KCND3: variants seen among roughly 807,000 people sequenced by gnomAD.
The protein encoded by KCND3 is A-type voltage-gated potassium channel KCND3.
In KCND3, 9 loss-of-function variants were observed where a neutral mutation model predicts 51.1. That is an observed-to-expected ratio of 0.18 (90% CI 0.11 to 0.31). The LOEUF is 0.31. Among genes scored for constraint, KCND3 ranks in the 10% least tolerant of loss-of-function variants. KCND3 has a pLI of 1.00. For synonymous variants in KCND3, 349 were observed against 368.0 expected (o/e 0.95, Z 0.59); for missense variants, 526 against 903.8 (o/e 0.58, Z 5.36).
intron 2 of KCND3, among the ~76,000 whole-genome samples, chr1:111,824,826 G>A (rs147513251): frequency 1.4e-4 from 22 of 152,120 alleles, no homozygotes; most frequent in African/African-American, 5.3e-4. Flanking sequence ...TCCACACATA[G>A]TTACATTTCT....
chr1:111,913,508 G>T (rs1364221820), intron 2 of KCND3, among the ~76,000 whole-genome samples: 1 of 152,152 alleles, frequency 6.6e-6, no homozygotes, highest in Non-Finnish European at 1.5e-5. Context: ...TAATCAAACT[G>T]ATTCCAATTA....
chr1:111,924,072 A>T (rs1280242093), intron 2 of KCND3, among the ~76,000 whole-genome samples: 1 of 152,104 alleles, frequency 6.6e-6, no homozygotes, highest in Non-Finnish European at 1.5e-5. Context: ...CAGATGGCTC[A>T]TGGCAGCACA....
At chr1:111,926,877 C>T (rs1234527752) in intron 2 of KCND3, among the ~76,000 whole-genome samples, 1 of 152,272 alleles carries the variant, frequency 6.6e-6, no homozygotes, top group Non-Finnish European at 1.5e-5. Flanking sequence ...TTAGGAAGTG[C>T]TCCCTTTGGA....
chr1:111,892,363 AG>A (rs1421667306), intron 2 of KCND3, among the ~76,000 whole-genome samples: 4 of 152,226 alleles, frequency 2.6e-5, no homozygotes, highest in African/African-American at 9.6e-5. Context: ...TGGACAATGC[AG>A]TGAGCCAGCT....
At chr1:111,815,374 C>G (rs1666040591) in intron 2 of KCND3, among the ~76,000 whole-genome samples, 1 of 151,918 alleles carries the variant, frequency 6.6e-6, no homozygotes. Context: ...AAACTCTGGT[C>G]AGGCTTCTCT....
intron 1 of KCND3, among the ~76,000 whole-genome samples, chr1:111,983,823 A>G (rs1675110941): frequency 2.0e-5 from 3 of 152,194 alleles, no homozygotes; most frequent in Admixed American, 2.0e-4. Flanking sequence ...ACCACACTGC[A>G]TAAGCACTTC....
chr1:111,952,937 A>G (rs967352382), intron 2 of KCND3, among the ~76,000 whole-genome samples: 1 of 152,188 alleles, frequency 6.6e-6, no homozygotes, highest in Non-Finnish European at 1.5e-5. Flanking sequence ...GGAAAATAAT[A>G]TAAACAACAT....
Position 111,773,880 on chromosome 1 carries a change from A to G in KCND3, c.*2197T>C, listed in dbSNP as rs767052417. On this transcript the variant is annotated 3_prime_UTR_variant, in exon 8 of 8. Coordinates refer to ENST00000302127, the MANE Select transcript of KCND3 (RefSeq NM_001378969.1). Reference sequence around the variant, plus strand: ...AAGTGAAGTTTAGCTTGGTCTTCTAATGAGATGTGTATATGAAGTGAATTG... The same window carrying G: ...AAGTGAAGTTTAGCTTGGTCTTCTAGTGAGATGTGTATATGAAGTGAATTG... The G allele has an allele frequency of 3.3e-5, 5 of 152,108 alleles. No homozygotes were observed. The highest frequency in any genetic ancestry group is 2.9e-5 in the Non-Finnish European group (2 of 68,026). 9.4% of individuals were successfully genotyped at this position (152,108 alleles called of 1,614,324 possible). A position where few individuals can be genotyped will look rare whatever the true frequency, so the allele number is the denominator to read the frequency against.
chr1:111,882,317 C>T (rs891770481), intron 2 of KCND3, among the ~76,000 whole-genome samples: 2 of 152,202 alleles, frequency 1.3e-5, no homozygotes, highest in South Asian at 2.1e-4. Flanking sequence ...CAAATATGCT[C>T]GAGTGGGGCA....
chr1:111,787,855 T>C (rs1454488776), intron 2 of KCND3, among the ~76,000 whole-genome samples: 1 of 152,230 alleles, frequency 6.6e-6, no homozygotes, highest in Non-Finnish European at 1.5e-5. Context: ...ATCCCCATTG[T>C]ACAGATGCAG....
intron 7 of KCND3, 148 bp from the exon 8 acceptor site, chr1:111,776,426 C>T: frequency 1.2e-6 from 1 of 804,038 alleles, no homozygotes; most frequent in Non-Finnish European, 2.1e-6. Context: ...TTGTAATTAT[C>T]CATTCTAATT....
intron 2 of KCND3, among the ~76,000 whole-genome samples, chr1:111,854,372 A>G (rs1267008880): frequency 6.6e-6 from 1 of 152,192 alleles, no homozygotes; most frequent in Non-Finnish European, 1.5e-5. Flanking sequence ...ATGTATTTTC[A>G]AGGCACTCTG....
At chr1:111,962,774 T>C (rs1465638969) in intron 2 of KCND3, among the ~76,000 whole-genome samples, 1 of 152,208 alleles carries the variant, frequency 6.6e-6, no homozygotes, top group East Asian at 1.9e-4. Context: ...CACTGCGCAA[T>C]GTGATGTTGC....
At chr1:111,776,788 A>T (rs1387004534) in intron 7 of KCND3, among the ~76,000 whole-genome samples, 1 of 151,634 alleles carries the variant, frequency 6.6e-6, no homozygotes, top group African/African-American at 2.4e-5. Flanking sequence ...AATTATTTTT[A>T]AAGTTTTTTT....
chr1:111,773,227 A>G lies in KCND3; in HGVS notation c.*2850T>C, dbSNP rs981619012. ...TAGGACCAATAAAAAAACATGGGAA[A>G]TTGCTTGGGACATGATATTTAACAT... On this transcript the variant is annotated 3_prime_UTR_variant, in exon 8 of 8. Coordinates refer to ENST00000302127, the MANE Select transcript of KCND3 (RefSeq NM_001378969.1). 6 of 152,078 alleles carry G rather than the reference A, an allele frequency of 3.9e-5. No homozygotes were observed. Among genetic ancestry groups the G allele is most frequent in the Non-Finnish European group, 8.8e-5 (6 of 68,010 alleles). 9.4% of individuals were successfully genotyped at this position (152,078 alleles called of 1,614,324 possible).
intron 2 of KCND3, among the ~76,000 whole-genome samples, chr1:111,954,096 G>T (rs1191214759): frequency 6.6e-6 from 1 of 152,138 alleles, no homozygotes; most frequent in East Asian, 1.9e-4. Context: ...AAGATGGAAG[G>T]CCCCTCAGAT....
rs773760801 is a variant in KCND3, at chr1:111,776,284, A to G, written c.1767-6T>C. 6 of 1,613,084 alleles carry G rather than the reference A, an allele frequency of 3.7e-6. No homozygotes were observed. In the Admixed American group the frequency reaches 8.4e-5, roughly 22 times the overall value. On this transcript the variant is annotated splice_polypyrimidine_tract_variant and splice_region_variant and intron_variant, in intron 7 of 7. Coordinates refer to ENST00000302127, the MANE Select transcript of KCND3 (RefSeq NM_001378969.1). ...TCAAATTAAGGCTGGAGCGACTGGG[A>G]TAGAAAAGAGTGAGTTGATGATGGT... is the stretch of plus-strand genomic sequence containing the variant.
At chr1:111,778,557 C>A in intron 5 of KCND3, 65 bp from the exon 6 acceptor site, 1 of 1,463,832 alleles carries the variant, frequency 6.8e-7, no homozygotes, top group Non-Finnish European at 9.6e-7. Context: ...CATTCCCAAG[C>A]CAGTTTTGAC....
intron 2 of KCND3, among the ~76,000 whole-genome samples, chr1:111,956,943 G>C (rs930566545): frequency 6.6e-6 from 1 of 152,136 alleles, no homozygotes; most frequent in Non-Finnish European, 1.5e-5. Flanking sequence ...AGGGTTGTCC[G>C]TGCCTCTTTC....
Sources: gnomAD v4.1 joint callset for allele counts (sites outside exome capture counted in the v4.1 genomes callset) on GRCh38, gnomAD v4.1.1 for gene constraint, MANE v1.5 for transcripts, NCBI Gene and HGNC (gene_info 2026-07-23, HGNC 2026-07-21) for gene names.